Variants in BRINP1 observed in about 807,000 individuals in gnomAD.
BRINP1 encodes BMP/retinoic acid inducible neural specific 1, also known as BMP/retinoic acid-inducible neural-specific protein 1.
Under a neutral mutation model 72.9 loss-of-function variants are expected in BRINP1, and 17 were observed. The ratio of observed to expected loss-of-function variants is 0.23; its 90% CI spans 0.16 to 0.35. The LOEUF (loss-of-function observed/expected upper bound fraction) is 0.35, where lower values mean the gene tolerates loss of function less well. Ranked by LOEUF, BRINP1 falls within the 10% of genes least tolerant of loss-of-function variation. The pLI, the probability that BRINP1 is intolerant of heterozygous loss-of-function variation, is 1.00. For missense variants in BRINP1, 850 were observed against 1,001.6 expected (o/e 0.85, Z 2.04); for synonymous variants, 418 against 378.5 (o/e 1.10, Z -1.21).
chr9:119,201,467 T>C (rs1392637805), intron 7 of BRINP1, among the ~76,000 whole-genome samples: 1 of 152,190 alleles, frequency 6.6e-6, no homozygotes, highest in Non-Finnish European at 1.5e-5. Context: ...AATTACCTTA[T>C]GTTCTTGAAT....
intron 3 of BRINP1, among the ~76,000 whole-genome samples, chr9:119,247,939 C>T (rs907971755): frequency 6.6e-6 from 1 of 152,182 alleles, no homozygotes; most frequent in Non-Finnish European, 1.5e-5. Flanking sequence ...ACCAATCTCT[C>T]CACCACATTC....
chr9:119,296,033 C>T (rs1830873715), intron 2 of BRINP1, among the ~76,000 whole-genome samples: 1 of 152,062 alleles, frequency 6.6e-6, no homozygotes, highest in African/African-American at 2.4e-5. Context: ...CAAAAATAGA[C>T]AAGTGGGATT....
intron 2 of BRINP1, among the ~76,000 whole-genome samples, chr9:119,288,644 G>A (rs554662175): frequency 2.6e-5 from 4 of 152,250 alleles, no homozygotes; most frequent in African/African-American, 7.2e-5. Flanking sequence ...AGCAAGAGGT[G>A]GGAAAATGCT....
intron 1 of BRINP1, among the ~76,000 whole-genome samples, chr9:119,315,041 T>C (rs903241165): frequency 5.3e-5 from 8 of 152,168 alleles, no homozygotes; most frequent in Non-Finnish European, 1.2e-4. Flanking sequence ...TCAGAGGTCA[T>C]TTTCTTTTTT....
chr9:119,187,388 C>T (rs1829634684), intron 7 of BRINP1, among the ~76,000 whole-genome samples: 1 of 151,708 alleles, frequency 6.6e-6, no homozygotes, highest in Non-Finnish European at 1.5e-5. Flanking sequence ...AACAATCTAC[C>T]TTGCCACCAC....
intron 1 of BRINP1, among the ~76,000 whole-genome samples, chr9:119,359,458 T>G (rs1831607395): frequency 6.6e-6 from 1 of 152,214 alleles, no homozygotes; most frequent in Admixed American, 6.5e-5. Context: ...TGCCTCAGCC[T>G]CCCAAAGTGC....
intron 7 of BRINP1, among the ~76,000 whole-genome samples, chr9:119,201,083 G>A (rs1223045512): frequency 6.6e-6 from 1 of 152,206 alleles, no homozygotes; most frequent in Non-Finnish European, 1.5e-5. Flanking sequence ...TCTCCTAAAA[G>A]CAGTAAGTAG....
intron 5 of BRINP1, among the ~76,000 whole-genome samples, chr9:119,222,276 G>T (rs1830048329): frequency 6.6e-6 from 1 of 151,998 alleles, no homozygotes; most frequent in Non-Finnish European, 1.5e-5. Flanking sequence ...TGTTAGCACA[G>T]CATAACCTAG....
At chr9:119,181,445 C>A (rs750292122) in intron 7 of BRINP1, among the ~76,000 whole-genome samples, 3 of 152,150 alleles carry the variant, frequency 2.0e-5, no homozygotes, top group African/African-American at 7.2e-5. Context: ...AAATAAGTCA[C>A]CTGACCTCTT....
At position 119,166,876 on chromosome 9, in the gene BRINP1, G is replaced by A. The variant is rs1329345639; in HGVS notation, c.*208C>T. On this transcript the variant is annotated 3_prime_UTR_variant, in exon 8 of 8. Coordinates refer to ENST00000265922, the MANE Select transcript of BRINP1 (RefSeq NM_014618.3). ...AAGGCTGAGACCCTTCTTCATGACA[G>A]AGTGAGTATAGAAATAACAAACATG... 1.4e-5 allele frequency: 8 copies of A among 559,226 alleles called. No individual in the cohort carries two copies. The allele number at this position is 559,226 out of a possible 1,614,324, so 34.6% of individuals were successfully genotyped here.
At position 119,313,210 on chromosome 9, in the gene BRINP1, T is replaced by C. The variant is rs1158292355; in HGVS notation, c.146A>G (p.His49Arg). The C allele has an allele frequency of 5.0e-6, 8 of 1,614,180 alleles. No homozygotes were observed. The highest frequency in any genetic ancestry group is 6.8e-6 in the Non-Finnish European group (8 of 1,180,034). The part of the protein sequence containing the change: ...DWLISDRGPF[H>R]HSRSYLSFVE... ...AAAGGATAGGTAGCTCCTGGAGTGG[T>C]GGAAAGGCCCCCTGTCTGAAATGAG... is the stretch of plus-strand genomic sequence containing the variant. Residue 49 changes from histidine to arginine, a missense_variant, in exon 2 of 8, where the codon CAC becomes CGC. Transcript: ENST00000265922.
At chr9:119,264,501 T>C (rs1317877317) in intron 2 of BRINP1, among the ~76,000 whole-genome samples, 1 of 152,240 alleles carries the variant, frequency 6.6e-6, no homozygotes, top group African/African-American at 2.4e-5. Context: ...TCTCGATTTA[T>C]ATTCAAGATG....
intron 3 of BRINP1, among the ~76,000 whole-genome samples, chr9:119,245,311 G>T (rs1830302539): frequency 6.6e-6 from 1 of 152,154 alleles, no homozygotes; most frequent in South Asian, 2.1e-4. Context: ...TATCTAAGCA[G>T]GAATAGGCTT....
intron 2 of BRINP1, among the ~76,000 whole-genome samples, chr9:119,289,152 G>A (rs911773436): frequency 4.6e-5 from 7 of 152,206 alleles, no homozygotes; most frequent in Non-Finnish European, 8.8e-5. Flanking sequence ...AGCAGAGCAC[G>A]GAGATCAAGG....
chr9:119,273,108 T>C (rs1588186529), intron 2 of BRINP1, among the ~76,000 whole-genome samples: 3 of 152,130 alleles, frequency 2.0e-5, no homozygotes, highest in Admixed American at 6.5e-5. Flanking sequence ...ACCAATAGCA[T>C]TGAATTCTAG....
intron 7 of BRINP1, among the ~76,000 whole-genome samples, chr9:119,201,948 C>A (rs927204007): frequency 2.0e-5 from 3 of 152,050 alleles, no homozygotes; most frequent in African/African-American, 7.3e-5. Context: ...TCTCCTGCAT[C>A]CCTCCCTTCC....
At chr9:119,268,538 A>C (rs564752) in intron 2 of BRINP1, among the ~76,000 whole-genome samples, 31,577 of 152,140 alleles carry the variant, frequency 0.21, 3,443 homozygotes, top group Admixed American at 0.26. Flanking sequence ...TCAAGGCAAC[A>C]AGCTTAGAGA....
Position 119,214,162 on chromosome 9 carries a change from G to C in BRINP1, c.686-7C>G. On this transcript the variant is annotated splice_region_variant and splice_polypyrimidine_tract_variant and intron_variant, in intron 5 of 7. Coordinates refer to ENST00000265922, the MANE Select transcript of BRINP1 (RefSeq NM_014618.3). ...GGAAAGATTATCTGAAGACCTGTGT[G>C]AGAATAGCAAGAAGGGAAAACAGAA... The C allele has an allele frequency of 6.3e-7, 1 of 1,597,026 alleles. No individual in the cohort carries two copies. The highest frequency in any genetic ancestry group is 8.6e-7 in the Non-Finnish European group (1 of 1,164,772).
chr9:119,255,985 A>T (rs1420694641), intron 2 of BRINP1, among the ~76,000 whole-genome samples: 1 of 128,644 alleles, frequency 7.8e-6, no homozygotes, highest in Non-Finnish European at 1.7e-5. Context: ...AAAAAAAAAC[A>T]CGAGACAGGA....
Sources: allele counts gnomAD v4.1 joint callset (sites outside exome capture counted in the v4.1 genomes callset), GRCh38; gene constraint gnomAD v4.1.1; transcripts MANE v1.5; gene names NCBI Gene and HGNC (gene_info 2026-07-23, HGNC 2026-07-21).